The following RIC8B variants were observed in gnomAD, a reference collection of about 807,000 sequenced individuals.
RIC8B encodes the protein RIC8 guanine nucleotide exchange factor B.
A neutral mutation model predicts 57.5 loss-of-function variants in RIC8B; 16 were observed. The ratio of observed to expected loss-of-function variants is 0.28; its 90% CI spans 0.19 to 0.42. The LOEUF (loss-of-function observed/expected upper bound fraction) is 0.42, where lower values mean the gene tolerates loss of function less well. Ranked by LOEUF, RIC8B falls within the 10% of genes least tolerant of loss-of-function variation. RIC8B has a pLI of 1.00. For missense variants in RIC8B, 481 were observed against 677.0 expected (o/e 0.71, Z 3.21); for synonymous variants, 216 against 250.8 (o/e 0.86, Z 1.31).
At chr12:106,868,331 C>G in intron 8 of RIC8B, 1 of 456,856 alleles carries the variant, frequency 2.2e-6, no homozygotes, top group South Asian at 1.5e-5. Flanking sequence ...GAAGCCATCT[C>G]TCAAGAGGCA....
At chr12:106,837,086 G>A (rs1443384315) in intron 4 of RIC8B, among the ~76,000 whole-genome samples, 1 of 152,106 alleles carries the variant, frequency 6.6e-6, no homozygotes, top group Non-Finnish European at 1.5e-5. Flanking sequence ...TAACCCGGCC[G>A]GGCGCAGTGG....
At chr12:106,795,786 G>A (rs1341689446) in intron 2 of RIC8B, among the ~76,000 whole-genome samples, 3 of 152,140 alleles carry the variant, frequency 2.0e-5, no homozygotes, top group African/African-American at 2.4e-5. Flanking sequence ...AAACCTTACC[G>A]AGGACTTCCG....
At chr12:106,801,921 T>C (rs539385257) in intron 2 of RIC8B, among the ~76,000 whole-genome samples, 4 of 152,340 alleles carry the variant, frequency 2.6e-5, no homozygotes, top group African/African-American at 9.6e-5. Context: ...TGTTCCCCCC[T>C]ACATACACGT....
chr12:106,885,937 T>C lies in RIC8B; in HGVS notation c.1605T>C (p.Pro535=), dbSNP rs367725617. The change falls in exon 10 of 10, where the codon CCT becomes CCC. Residue 535 remains proline (P), a synonymous_variant. Transcript: ENST00000392837. ...EELLKPMGLK[P]DGTITPLEEA... is the part of the protein sequence containing the mutation. ...TGCTTAAACCAATGGGACTAAAACC[T>C]GATGGGACAATAACGCCTTTGGAGG... 7.6e-5 allele frequency: 122 copies of C among 1,613,792 alleles called. 1 individual carries two copies. In the Middle Eastern group the frequency reaches 1.2e-3, roughly 15 times the overall value.
At chr12:106,834,982 T>TAAA (rs1319801211) in intron 4 of RIC8B, among the ~76,000 whole-genome samples, 1 of 47,902 alleles carries the variant, frequency 2.1e-5, no homozygotes, top group African/African-American at 9.9e-5. Context: ...AGACTCTGTC[T>TAAA]CAAAAAAAAA....
At chr12:106,865,998 G>T (rs534148246) in intron 8 of RIC8B, among the ~76,000 whole-genome samples, 4 of 152,226 alleles carry the variant, frequency 2.6e-5, no homozygotes, top group African/African-American at 7.2e-5. Flanking sequence ...GGTATCACCT[G>T]TTCTGTGCCC....
intron 4 of RIC8B, among the ~76,000 whole-genome samples, chr12:106,837,850 C>T (rs1438815215): frequency 1.3e-5 from 2 of 151,998 alleles, no homozygotes; most frequent in Admixed American, 6.6e-5. Flanking sequence ...GCACGTTGGC[C>T]AGGCTGATCT....
chr12:106,775,609 T>A (rs1244091754), intron 1 of RIC8B, among the ~76,000 whole-genome samples: 1 of 152,246 alleles, frequency 6.6e-6, no homozygotes, highest in African/African-American at 2.4e-5. Flanking sequence ...GGTATTCCAG[T>A]TTAGTTCTTT....
At chr12:106,883,593 C>CA (rs371888976) in intron 9 of RIC8B, among the ~76,000 whole-genome samples, 26 of 152,088 alleles carry the variant, frequency 1.7e-4, no homozygotes, top group African/African-American at 6.3e-4. Context: ...TTACTACTCT[C>CA]ATTCTCCAAC....
chr12:106,859,484 T>C (rs1341427752), intron 7 of RIC8B, among the ~76,000 whole-genome samples: 1 of 152,080 alleles, frequency 6.6e-6, no homozygotes, highest in Non-Finnish European at 1.5e-5. Flanking sequence ...AAAATGATCA[T>C]TTTACCCACT....
At chr12:106,856,726 A>G (rs1056978718) in intron 7 of RIC8B, among the ~76,000 whole-genome samples, 1 of 152,320 alleles carries the variant, frequency 6.6e-6, no homozygotes, top group Admixed American at 6.5e-5. Context: ...GTCGGAGATC[A>G]TGTCCTACTC....
intron 9 of RIC8B, 49 bp from the exon 10 acceptor site, chr12:106,885,855 T>A: frequency 1.6e-6 from 2 of 1,230,846 alleles, no homozygotes; most frequent in South Asian, 1.2e-5. Context: ...GGTGTGTGTG[T>A]GATGCTGGTG....
At position 106,886,195 on chromosome 12, in the gene RIC8B, C is replaced by T; in HGVS notation, c.*180C>T. 5.2e-6 allele frequency: 3 copies of T among 576,358 alleles called. No homozygotes were observed. Among genetic ancestry groups the T allele is most frequent in the Admixed American group, 3.1e-5 (1 of 32,202 alleles). 35.7% of individuals were successfully genotyped at this position (576,358 alleles called of 1,614,324 possible). ...CCCTGTGTTTTTTGTGATATTGAGG[C>T]ATTCATACAGAGCTGCAGTTAGACG... On this transcript the variant is annotated 3_prime_UTR_variant, in exon 10 of 10. Coordinates refer to ENST00000392837, the MANE Select transcript of RIC8B (RefSeq NM_001330145.2).
At chr12:106,783,162 T>A (rs2136161479) in intron 1 of RIC8B, among the ~76,000 whole-genome samples, 2 of 152,312 alleles carry the variant, frequency 1.3e-5, no homozygotes, top group Middle Eastern at 6.8e-3. Flanking sequence ...TCCAGTTATT[T>A]TTTCCTCATA....
Position 106,802,025 on chromosome 12 carries a change from T to C in RIC8B, c.133-12671T>C, listed in dbSNP as rs56857393. ...ACTAAAATTAGATCCTTGTGGAATA[T>C]ATATCCAGTGACGTTCATCACAGAA... On this transcript the variant is annotated intron_variant, in intron 2 of 9. Coordinates refer to ENST00000392837, the MANE Select transcript of RIC8B (RefSeq NM_001330145.2). Among the ~76,000 whole-genome samples the C allele has an allele frequency of 5.3e-5, 8 of 152,310 alleles. No individual in the cohort carries two copies. In the East Asian group the frequency reaches 1.3e-3, roughly 26 times the overall value.
intron 2 of RIC8B, among the ~76,000 whole-genome samples, chr12:106,797,569 G>C (rs1205564705): frequency 6.6e-6 from 1 of 152,196 alleles, no homozygotes. Context: ...TCTAAAATTA[G>C]ATAATAAGGG....
intron 4 of RIC8B, among the ~76,000 whole-genome samples, chr12:106,839,158 G>A (rs746272189): frequency 6.6e-6 from 1 of 152,280 alleles, no homozygotes; most frequent in Non-Finnish European, 1.5e-5. Flanking sequence ...CAGCAATCAC[G>A]CTTCTGGGAG....
intron 2 of RIC8B, among the ~76,000 whole-genome samples, chr12:106,803,576 TTAC>T (rs1429137100): frequency 6.6e-6 from 1 of 152,206 alleles, no homozygotes; most frequent in African/African-American, 2.4e-5. Context: ...AAAACAAACA[TTAC>T]TCCCTGTCTT....
chr12:106,837,957 G>T (rs762578369), intron 4 of RIC8B, among the ~76,000 whole-genome samples: 3 of 151,908 alleles, frequency 2.0e-5, no homozygotes, highest in Non-Finnish European at 4.4e-5. Context: ...CGTTCTTTTC[G>T]TTGCCTGAAT....
Sources: allele counts gnomAD v4.1 joint callset (sites outside exome capture counted in the v4.1 genomes callset), GRCh38; gene constraint gnomAD v4.1.1; transcripts MANE v1.5; gene names NCBI Gene and HGNC (gene_info 2026-07-23, HGNC 2026-07-21).